Variants in ERBB4 observed in about 807,000 individuals in gnomAD.
The protein encoded by ERBB4 is receptor tyrosine-protein kinase erbB-4.
In ERBB4, 42 loss-of-function variants were observed where a neutral mutation model predicts 158.0. That is an observed-to-expected ratio of 0.27 (90% CI 0.21 to 0.34). The LOEUF (loss-of-function observed/expected upper bound fraction) is 0.34, where lower values mean the gene tolerates loss of function less well. Among genes scored for constraint, ERBB4 ranks in the 10% least tolerant of loss-of-function variants. The pLI is 1.00. For missense variants in ERBB4, 1,333 were observed against 1,624.1 expected (o/e 0.82, Z 3.08); for synonymous variants, 583 against 558.7 (o/e 1.04, Z -0.61).
chr2:212,523,470 T>C (rs1042082979), intron 1 of ERBB4, among the ~76,000 whole-genome samples: 87 of 151,978 alleles, frequency 5.7e-4, no homozygotes, highest in African/African-American at 2.1e-3. Flanking sequence ...GTTTTTTAAA[T>C]TGAGAATGAT....
At chr2:212,131,446 C>G (rs559655018) in intron 1 of ERBB4, among the ~76,000 whole-genome samples, 44 of 152,282 alleles carry the variant, frequency 2.9e-4, no homozygotes, top group African/African-American at 9.9e-4. Flanking sequence ...GAAAAGCCTT[C>G]TCTGACCACC....
At chr2:211,706,014 G>A (rs560929829) in intron 9 of ERBB4, among the ~76,000 whole-genome samples, 2 of 151,596 alleles carry the variant, frequency 1.3e-5, no homozygotes, top group African/African-American at 2.4e-5. Flanking sequence ...GGAACTATTC[G>A]CTTCCAAGTA....
chr2:212,029,163 A>C (rs2125344246), intron 2 of ERBB4, among the ~76,000 whole-genome samples: 1 of 152,192 alleles, frequency 6.6e-6, no homozygotes, highest in East Asian at 1.9e-4. Flanking sequence ...AGTGGGTATA[A>C]ATATGACAGC....
chr2:211,746,975 T>C (rs916706412), intron 5 of ERBB4, among the ~76,000 whole-genome samples: 2 of 152,158 alleles, frequency 1.3e-5, no homozygotes, highest in Non-Finnish European at 2.9e-5. Context: ...ATTCTTTCTT[T>C]CCTCAACTCT....
chr2:211,386,174 C>CTGTT (rs1287602455), intron 27 of ERBB4, among the ~76,000 whole-genome samples: 1 of 152,108 alleles, frequency 6.6e-6, no homozygotes, highest in Non-Finnish European at 1.5e-5. Context: ...AGAAGAAAGG[C>CTGTT]TGTTTTGTTG....
chr2:211,715,762 C>G (rs1029287589), intron 7 of ERBB4, among the ~76,000 whole-genome samples: 10 of 152,092 alleles, frequency 6.6e-5, no homozygotes, highest in Non-Finnish European at 1.5e-4. Flanking sequence ...TTTCCTGAGC[C>G]CTCTCCAGAA....
chr2:211,726,571 T>C (rs1166873096), intron 5 of ERBB4, among the ~76,000 whole-genome samples: 1 of 152,194 alleles, frequency 6.6e-6, no homozygotes, highest in South Asian at 2.1e-4. Flanking sequence ...TCACTTCTCC[T>C]ACCTAATAAA....
chr2:211,480,838 C>T (rs536220542), intron 20 of ERBB4, among the ~76,000 whole-genome samples: 1 of 152,130 alleles, frequency 6.6e-6, no homozygotes, highest in Admixed American at 6.5e-5. Context: ...CATGGCACTA[C>T]AAGGTAACAT....
intron 1 of ERBB4, among the ~76,000 whole-genome samples, chr2:212,417,863 A>G (rs1406731392): frequency 1.3e-5 from 2 of 152,026 alleles, no homozygotes; most frequent in African/African-American, 4.8e-5. Context: ...CTCAATATTC[A>G]TATACTGAAG....
In ERBB4 at chr2:211,713,010, C is replaced by G. The variant is rs192940877; in HGVS notation, c.997+525G>C. Among the ~76,000 whole-genome samples the G allele has an allele frequency of 3.7e-4, 56 of 152,192 alleles. 1 individual carries two copies. Among genetic ancestry groups the G allele is most frequent in the Middle Eastern group, 3.4e-3 (1 of 294 alleles). ...CCACAGCTGGAAGAGATTCCTTCCT[C>G]CGCTAAAATTCTATGGCATGAATTA... On this transcript the variant is annotated intron_variant, in intron 8 of 27. Transcript: ENST00000342788.
At chr2:212,306,323 C>G (rs1355718828) in intron 1 of ERBB4, among the ~76,000 whole-genome samples, 1 of 151,378 alleles carries the variant, frequency 6.6e-6, no homozygotes, top group Non-Finnish European at 1.5e-5. Flanking sequence ...CAAACAAACT[C>G]TATAAACGAA....
intron 1 of ERBB4, among the ~76,000 whole-genome samples, chr2:212,145,458 C>T (rs1489148091): frequency 2.0e-5 from 3 of 152,028 alleles, no homozygotes; most frequent in Non-Finnish European, 4.4e-5. Context: ...ATTTCACATG[C>T]CATCTTAGAA....
At chr2:211,749,309 A>G (rs1479982768) in intron 5 of ERBB4, among the ~76,000 whole-genome samples, 1 of 152,196 alleles carries the variant, frequency 6.6e-6, no homozygotes, top group Non-Finnish European at 1.5e-5. Context: ...AATTAATACT[A>G]CAAATAATTC....
At chr2:212,146,169 A>G (rs1473891522) in intron 1 of ERBB4, among the ~76,000 whole-genome samples, 1 of 152,180 alleles carries the variant, frequency 6.6e-6, no homozygotes, top group African/African-American at 2.4e-5. Context: ...CCAATAATTT[A>G]GCTGAGGTAA....
At chr2:211,741,332 A>C (rs2074787438) in intron 5 of ERBB4, among the ~76,000 whole-genome samples, 1 of 152,012 alleles carries the variant, frequency 6.6e-6, no homozygotes, top group East Asian at 1.9e-4. Context: ...AATCCTTCAA[A>C]TGTGGAGTAT....
intron 1 of ERBB4, among the ~76,000 whole-genome samples, chr2:212,226,219 T>C (rs949858131): frequency 6.6e-6 from 1 of 152,096 alleles, no homozygotes; most frequent in Non-Finnish European, 1.5e-5. Flanking sequence ...AAAATGGGGA[T>C]CCTTGTCCTA....
intron 20 of ERBB4, among the ~76,000 whole-genome samples, chr2:211,558,082 A>C (rs1458076520): frequency 6.6e-6 from 1 of 152,162 alleles, no homozygotes; most frequent in Non-Finnish European, 1.5e-5. Context: ...GCATGGATAC[A>C]CGGAAACACA....
At chr2:212,320,740 T>A (rs150554063) in intron 1 of ERBB4, among the ~76,000 whole-genome samples, 6 of 150,160 alleles carry the variant, frequency 4.0e-5, no homozygotes, top group African/African-American at 1.5e-4. Context: ...AGGGCCAGGT[T>A]TGTTGTTTTG....
intron 2 of ERBB4, among the ~76,000 whole-genome samples, chr2:212,015,641 C>A (rs1480258989): frequency 6.6e-6 from 1 of 152,124 alleles, no homozygotes; most frequent in Admixed American, 6.5e-5. Context: ...TGTTTCCACC[C>A]CCTACCCCCA....
Sources: gnomAD v4.1 joint callset for allele counts (sites outside exome capture counted in the v4.1 genomes callset) on GRCh38, gnomAD v4.1.1 for gene constraint, MANE v1.5 for transcripts, NCBI Gene and HGNC (gene_info 2026-07-23, HGNC 2026-07-21) for gene names.